CEP76: variants seen among roughly 807,000 people sequenced by gnomAD.
CEP76 encodes centrosomal protein of 76 kDa.
In CEP76, 55 loss-of-function variants were observed where a neutral mutation model predicts 83.3. The observed-to-expected ratio is 0.66, with a 90% CI of 0.53 to 0.83. CEP76 has a LOEUF of 0.83. Among genes scored for constraint, CEP76 ranks in the 40% least tolerant of loss-of-function variants. The pLI is 0.00. For synonymous variants in CEP76, 270 were observed against 274.5 expected (o/e 0.98, Z 0.16); for missense variants, 694 against 799.5 (o/e 0.87, Z 1.59).
downstream of CEP76, among the ~76,000 whole-genome samples, chr18:12,669,244 C>G (rs570007369): frequency 6.6e-6 from 1 of 151,856 alleles, no homozygotes; most frequent in African/African-American, 2.4e-5. Flanking sequence ...TCCCGAGTAG[C>G]TGGGAATACA....
At position 12,673,114 on chromosome 18, in the gene CEP76, C is replaced by T; in HGVS notation, c.*251G>A. Reference sequence around the variant, plus strand: ...CTACTGATAACTGTAAACAAAGTAGCATTTATTAAAATAGAATATACACTT... The same window carrying T: ...CTACTGATAACTGTAAACAAAGTAGTATTTATTAAAATAGAATATACACTT... On this transcript the variant is annotated 3_prime_UTR_variant, in exon 12 of 12. Coordinates refer to ENST00000262127, the MANE Select transcript of CEP76 (RefSeq NM_024899.4). 9.5e-7 allele frequency: 1 copy of T among 1,053,222 alleles called. No homozygotes were observed. The highest frequency in any genetic ancestry group is 3.4e-5 in the South Asian group (1 of 29,100). 65.2% of individuals were successfully genotyped at this position (1,053,222 alleles called of 1,614,324 possible). A position where few individuals can be genotyped will look rare whatever the true frequency, so the allele number is the denominator to read the frequency against.
intron 11 of CEP76, among the ~76,000 whole-genome samples, chr18:12,674,285 TA>T (rs1022827347): frequency 3.3e-5 from 5 of 150,814 alleles, no homozygotes; most frequent in Admixed American, 1.3e-4. Context: ...AAAATAAAGA[TA>T]AAAAAAATAG....
chr18:12,682,820 T>A (rs2145027818), intron 8 of CEP76, among the ~76,000 whole-genome samples: 1 of 151,026 alleles, frequency 6.6e-6, no homozygotes, highest in Admixed American at 6.6e-5. Flanking sequence ...GAGAGTTTCA[T>A]CATGTTGGCC....
At chr18:12,691,185 G>T in intron 7 of CEP76, 174 bp downstream of exon 7, 1 of 441,332 alleles carries the variant, frequency 2.3e-6, no homozygotes, top group Non-Finnish European at 3.9e-6. Context: ...GACATAGATT[G>T]ATCTTGCCAC....
At chr18:12,675,571 T>A (rs2039093933) in intron 10 of CEP76, among the ~76,000 whole-genome samples, 1 of 152,172 alleles carries the variant, frequency 6.6e-6, no homozygotes, top group South Asian at 2.1e-4. Flanking sequence ...ACTTATATAC[T>A]GTAAGAGATA....
chr18:12,694,231 GT>G (rs2039869735), intron 6 of CEP76, among the ~76,000 whole-genome samples: 1 of 152,210 alleles, frequency 6.6e-6, no homozygotes, highest in South Asian at 2.1e-4. Flanking sequence ...AGGAAAAAAA[GT>G]TTAAAGAAAA....
chr18:12,678,255 C>T lies in CEP76; in HGVS notation c.1477G>A (p.Glu493Lys). Reference protein sequence around the residue: ...NDESKWKPMSEEAIKSVCAPG... With the variant: ...NDESKWKPMSKEAIKSVCAPG... Reference sequence around the variant, plus strand: ...GCACACACAGATTTAATTGCTTCCTCACTCATGGGTTTCCATTTGGATTCA... The same window carrying T: ...GCACACACAGATTTAATTGCTTCCTTACTCATGGGTTTCCATTTGGATTCA... Residue 493 changes from glutamate (E) to lysine (K), a missense_variant, in exon 10 of 12, where the codon GAG becomes AAG. Transcript: ENST00000262127. The T allele has an allele frequency of 1.2e-6, 2 of 1,614,164 alleles. No individual in the cohort carries two copies. The highest frequency in any genetic ancestry group is 1.7e-6 in the Non-Finnish European group (2 of 1,180,032).
In CEP76 at chr18:12,702,662, T is replaced by C; in HGVS notation, c.-114A>G. 8.0e-7 allele frequency: 1 copy of C among 1,245,592 alleles called. No homozygotes were observed. Among genetic ancestry groups the C allele is most frequent in the South Asian group, 1.4e-5 (1 of 69,468 alleles). 77.2% of individuals were successfully genotyped at this position (1,245,592 alleles called of 1,614,324 possible). On this transcript the variant is annotated 5_prime_UTR_variant, in exon 1 of 12. Coordinates refer to ENST00000262127, the MANE Select transcript of CEP76 (RefSeq NM_024899.4). ...ACTGGAGCACAAAGCGCCGCAGCCG[T>C]TCGCCTAGCGCAGCTCCCGGGGGAC...
intron 1 of CEP76, among the ~76,000 whole-genome samples, chr18:12,702,011 C>T (rs1300695240): frequency 6.6e-6 from 1 of 152,130 alleles, no homozygotes; most frequent in Non-Finnish European, 1.5e-5. Context: ...CCTGTAATCC[C>T]AGCTACTCGG....
At chr18:12,694,581 T>C (rs1450924274) in intron 6 of CEP76, among the ~76,000 whole-genome samples, 4 of 152,146 alleles carry the variant, frequency 2.6e-5, no homozygotes, top group African/African-American at 4.8e-5. Flanking sequence ...ACTTCTACCC[T>C]GAGAGAACAG....
At chr18:12,679,350 CCCT>C (rs1216253135) in intron 9 of CEP76, 1 of 152,232 alleles carries the variant, frequency 6.6e-6, no homozygotes, top group Non-Finnish European at 1.5e-5. Flanking sequence ...GGAGCTTGGC[CCCT>C]CCTCTTCCTG....
Position 12,688,880 on chromosome 18 carries a change from C to T in CEP76, c.934-2430G>A, listed in dbSNP as rs189442661. Among the ~76,000 whole-genome samples, 278 of 152,108 alleles carry T rather than the reference C, an allele frequency of 1.8e-3. 1 individual carries two copies. The highest frequency in any genetic ancestry group is 6.4e-3 in the African/African-American group (267 of 41,510). ...CTATGATCCCAGCACTTTGGGAGGC[C>T]GAGGCGGGCGGGTCATGAGGTCAGG... On this transcript the variant is annotated intron_variant, in intron 7 of 11. Transcript: ENST00000262127.
chr18:12,674,616 T>G lies in CEP76; in HGVS notation c.1761A>C (p.Val587=). Reference sequence around the variant, plus strand: ...ACCCTTTAAATGTGTGACCATCAGGTACAGCCCTTCTTATGGCATCTTGAA... The same window carrying G: ...ACCCTTTAAATGTGTGACCATCAGGGACAGCCCTTCTTATGGCATCTTGAA... ...EEFQDAIRRA[V]PDGHTFKGFP... is the part of the protein sequence containing the mutation. The change falls in exon 11 of 12, where the codon GTA becomes GTC. Residue 587 remains valine (V), a synonymous_variant. Transcript: ENST00000262127. 6.2e-7 allele frequency: 1 copy of G among 1,614,076 alleles called. No individual in the cohort carries two copies. The highest frequency in any genetic ancestry group is 8.5e-7 in the Non-Finnish European group (1 of 1,179,982).
intron 4 of CEP76, among the ~76,000 whole-genome samples, chr18:12,698,281 T>C (rs1568032880): frequency 1.3e-5 from 2 of 152,000 alleles, no homozygotes; most frequent in African/African-American, 2.4e-5. Context: ...CAGGCTGGAG[T>C]GCAATGGGGT....
intron 6 of CEP76, among the ~76,000 whole-genome samples, chr18:12,692,861 C>T (rs919348319): frequency 4.6e-5 from 7 of 152,276 alleles, no homozygotes; most frequent in African/African-American, 1.7e-4. Context: ...CTTGCTCTGT[C>T]ACCCAGTCTG....
At chr18:12,695,220 AC>A in intron 6 of CEP76, 33 bp downstream of exon 6, 1 of 962,912 alleles carries the variant, frequency 1.0e-6, no homozygotes, top group South Asian at 1.8e-5. Flanking sequence ...ATGAAAACAA[AC>A]ACACAAAAAA....
chr18:12,676,055 T>G (rs1312905283), intron 10 of CEP76, among the ~76,000 whole-genome samples: 1 of 152,126 alleles, frequency 6.6e-6, no homozygotes. Flanking sequence ...CAAAAAATTC[T>G]CAAAATTCTA....
chr18:12,692,074 G>A (rs2039783706), intron 6 of CEP76: 1 of 152,106 alleles, frequency 6.6e-6, no homozygotes, highest in Non-Finnish European at 1.5e-5. Context: ...ACAACATTTT[G>A]GGAGGCCAAG....
chr18:12,686,422 C>T lies in CEP76; in HGVS notation c.962G>A (p.Cys321Tyr), dbSNP rs770831877. ...AGCTCGAAGTGGTTTAACATAGGAA[C>T]AGACTGGTCTATTTATCCCATTTTC... ...QDENGINRPV[C>Y]SYVKPLRAGR... is the part of the protein sequence containing the mutation. Residue 321 changes from cysteine (C) to tyrosine (Y), a missense_variant, in exon 8 of 12, where the codon TGT becomes TAT. Cys to Tyr is a radical substitution (Grantham distance 194, BLOSUM62 -2). Transcript: ENST00000262127. 6.2e-7 allele frequency: 1 copy of T among 1,613,424 alleles called. No homozygotes were observed. The highest frequency in any genetic ancestry group is 1.7e-5 in the Admixed American group (1 of 59,884).
Sources: allele counts gnomAD v4.1 joint callset (sites outside exome capture counted in the v4.1 genomes callset), GRCh38; gene constraint gnomAD v4.1.1; transcripts MANE v1.5; gene names NCBI Gene and HGNC (gene_info 2026-07-23, HGNC 2026-07-21).